Variants in F11R observed in about 807,000 individuals in gnomAD.
F11R encodes junctional adhesion molecule A.
In F11R, 27 loss-of-function variants were observed where a neutral mutation model predicts 39.3. The observed-to-expected ratio is 0.69, with a 90% CI of 0.51 to 0.95. The LOEUF (loss-of-function observed/expected upper bound fraction) is 0.95. Ranked by LOEUF, F11R falls within the 40% of genes least tolerant of loss-of-function variation. The probability of loss-of-function intolerance (pLI) is 0.00; values close to 1 mark genes in which losing one functional copy is unlikely to be tolerated. For missense variants in F11R, 335 were observed against 372.7 expected (o/e 0.90, Z 0.83); for synonymous variants, 131 against 144.9 (o/e 0.90, Z 0.69).
In F11R at chr1:161,000,763, G is replaced by C; in HGVS notation, c.256C>G (p.Arg86Gly). Reference protein sequence around the residue: ...NNKITASYEDRVTFLPTGITF... With the variant: ...NNKITASYEDGVTFLPTGITF... Reference sequence around the variant, plus strand: ...ATACCAGTTGGCAAGAAGGTCACCCGGTCCTCATAGGAAGCTACCACAAGA... The same window carrying C: ...ATACCAGTTGGCAAGAAGGTCACCCCGTCCTCATAGGAAGCTACCACAAGA... Residue 86 changes from arginine to glycine, a missense_variant, in exon 4 of 10, where the codon CGG (arginine) becomes GGG (glycine). Physicochemically the swap from Arg to Gly is moderately radical, Grantham distance 125. Transcript: ENST00000368026. 6.2e-7 allele frequency: 1 copy of C among 1,614,102 alleles called. No homozygotes were observed. Among genetic ancestry groups the C allele is most frequent in the Non-Finnish European group, 8.5e-7 (1 of 1,180,014 alleles).
At chr1:161,009,120 A>G (rs1271879051) in intron 1 of F11R, among the ~76,000 whole-genome samples, 1 of 152,160 alleles carries the variant, frequency 6.6e-6, no homozygotes, top group Non-Finnish European at 1.5e-5. Flanking sequence ...TCTGCTATGT[A>G]GAACACCCTT....
At chr1:161,020,713 G>C (rs915003760) in intron 1 of F11R, among the ~76,000 whole-genome samples, 23 of 152,170 alleles carry the variant, frequency 1.5e-4, no homozygotes, top group Admixed American at 1.4e-3. Context: ...TTGGCCCGAC[G>C]GCCCTCTCCA....
rs536353064 is a variant in F11R, at chr1:160,997,923, G to T, written c.*948C>A. ...GGGTCTGTCCAGTAGTTCCAGCCAA[G>T]GGAAGGGTGATGGCCTAAGCCACCA... On this transcript the variant is annotated 3_prime_UTR_variant, in exon 10 of 10. Transcript: ENST00000368026. 6.5e-6 allele frequency: 1 copy of T among 152,926 alleles called. No homozygotes were observed. Among genetic ancestry groups the T allele is most frequent in the South Asian group, 2.1e-4 (1 of 4,828 alleles). The allele number at this position is 152,926 out of a possible 1,614,324, so 9.5% of individuals were successfully genotyped here. A position where few individuals can be genotyped will look rare whatever the true frequency, so the allele number is the denominator to read the frequency against.
intron 1 of F11R, among the ~76,000 whole-genome samples, chr1:161,018,661 A>G (rs1649588311): frequency 6.6e-6 from 1 of 152,226 alleles, no homozygotes; most frequent in Non-Finnish European, 1.5e-5. Context: ...CAAACAAGGC[A>G]GAGAGAAAGC....
At position 161,020,249 on chromosome 1, in the gene F11R, C is replaced by T. The variant is rs560537737; in HGVS notation, c.64+761G>A. On this transcript the variant is annotated intron_variant, in intron 1 of 9. Coordinates refer to ENST00000368026, the MANE Select transcript of F11R (RefSeq NM_016946.6). ...AGGAAACAAAAACTCTCATACACAG[C>T]CAGAGGGAGGGCAGAGCTCTGGCTC... is the stretch of plus-strand genomic sequence containing the variant. Among the ~76,000 whole-genome samples the T allele has an allele frequency of 1.5e-4, 23 of 152,248 alleles. No homozygotes were observed. The East Asian group carries it at 4.1e-3, about 27-fold the overall frequency.
chr1:161,004,247 T>C (rs1255809931), intron 1 of F11R, among the ~76,000 whole-genome samples: 2 of 151,698 alleles, frequency 1.3e-5, no homozygotes, highest in African/African-American at 2.4e-5. Context: ...CGCCTGGCCA[T>C]ATAGCATGGT....
chr1:161,016,656 CAAAA>C (rs773532935), intron 1 of F11R, among the ~76,000 whole-genome samples: 22 of 130,028 alleles, frequency 1.7e-4, no homozygotes, highest in African/African-American at 6.3e-4. Context: ...GACTCCGTCT[CAAAA>C]AAAAAAAAAG....
At chr1:161,008,729 T>C (rs758258198) in intron 1 of F11R, among the ~76,000 whole-genome samples, 1 of 152,196 alleles carries the variant, frequency 6.6e-6, no homozygotes, top group East Asian at 1.9e-4. Flanking sequence ...ACACAGTGAG[T>C]GGTAGTGCAG....
chr1:161,015,407 A>AAT (rs1553211261), intron 1 of F11R, among the ~76,000 whole-genome samples: 2,360 of 136,054 alleles, frequency 0.017, 31 homozygotes, highest in African/African-American at 0.028. Context: ...CAAAAAAAAA[A>AAT]ATATATATAT....
At chr1:161,005,355 G>A (rs1648743255) in intron 1 of F11R, among the ~76,000 whole-genome samples, 1 of 150,026 alleles carries the variant, frequency 6.7e-6, no homozygotes, top group South Asian at 2.1e-4. Context: ...CCCGGCTAGA[G>A]TTCAGTGGCA....
chr1:161,004,185 G>A (rs1156266314), intron 1 of F11R, among the ~76,000 whole-genome samples: 1 of 151,916 alleles, frequency 6.6e-6, no homozygotes, highest in African/African-American at 2.4e-5. Flanking sequence ...GTCTCAAGCA[G>A]TTCTCCTGCC....
intron 8 of F11R, 66 bp from the exon 9 acceptor site, chr1:160,999,157 C>T (rs1648312514): frequency 1.9e-6 from 3 of 1,604,526 alleles, no homozygotes; most frequent in East Asian, 2.2e-5. Context: ...CCCTTGCCAA[C>T]TTTAAAGGCC....
chr1:161,014,370 G>A (rs182729997), intron 1 of F11R, among the ~76,000 whole-genome samples: 87 of 152,162 alleles, frequency 5.7e-4, no homozygotes, highest in Non-Finnish European at 1.1e-3. Context: ...TGACTTGGAG[G>A]GGGGTGGGAT....
At chr1:161,020,421 C>G (rs1331860319) in intron 1 of F11R, among the ~76,000 whole-genome samples, 1 of 152,222 alleles carries the variant, frequency 6.6e-6, no homozygotes, top group Non-Finnish European at 1.5e-5. Flanking sequence ...TTTCAGGTTT[C>G]TATTGCATTT....
At chr1:161,000,958 G>T in intron 3 of F11R, 62 bp downstream of exon 3, 1 of 1,517,778 alleles carries the variant, frequency 6.6e-7, no homozygotes, top group Non-Finnish European at 9.2e-7. Flanking sequence ...CTGGATCGTA[G>T]AATCCAGGCA....
In F11R at chr1:161,014,678, G is replaced by A. The variant is rs559907216; in HGVS notation, c.64+6332C>T. ...AGTGAGGCCAGGCACGGTGGCTCAT[G>A]CCTGTAATCCCAGCACTTTGGGAGG... On this transcript the variant is annotated intron_variant, in intron 1 of 9. Coordinates refer to ENST00000368026, the MANE Select transcript of F11R (RefSeq NM_016946.6). 2.0e-5 allele frequency among the ~76,000 whole-genome samples: 3 copies of A among 152,254 alleles called. No individual in the cohort carries two copies. The East Asian group carries it at 5.8e-4, about 29-fold the overall frequency.
At chr1:161,013,287 C>T (rs1217404669) in intron 1 of F11R, among the ~76,000 whole-genome samples, 1 of 152,188 alleles carries the variant, frequency 6.6e-6, no homozygotes, top group Non-Finnish European at 1.5e-5. Context: ...TGGAGCCCTG[C>T]AATAGGAAGG....
chr1:161,001,183 G>A, intron 2 of F11R, 56 bp from the exon 3 acceptor site: 1 of 1,596,918 alleles, frequency 6.3e-7, no homozygotes, highest in Non-Finnish European at 8.6e-7. Flanking sequence ...TACACGAGAT[G>A]GGGAACAGCC....
chr1:161,000,793 G>A lies in F11R; in HGVS notation c.242-16C>T. 2 of 1,614,120 alleles carry A rather than the reference G, an allele frequency of 1.2e-6. No individual in the cohort carries two copies. Among genetic ancestry groups the A allele is most frequent in the Non-Finnish European group, 1.7e-6 (2 of 1,179,988 alleles). On this transcript the variant is annotated splice_polypyrimidine_tract_variant and intron_variant, in intron 3 of 9. Coordinates refer to ENST00000368026, the MANE Select transcript of F11R (RefSeq NM_016946.6). Reference sequence around the variant, plus strand: ...TCATAGGAAGCTACCACAAGAGGAGGCAAGAGCAAGGACAGAGTGAACTGG... The same window carrying A: ...TCATAGGAAGCTACCACAAGAGGAGACAAGAGCAAGGACAGAGTGAACTGG...
Sources: allele counts gnomAD v4.1 joint callset (sites outside exome capture counted in the v4.1 genomes callset), GRCh38; gene constraint gnomAD v4.1.1; transcripts MANE v1.5; gene names NCBI Gene and HGNC (gene_info 2026-07-23, HGNC 2026-07-21).